KLHL7: variants seen among roughly 807,000 people sequenced by gnomAD.
KLHL7 encodes the protein kelch-like protein 7.
Under a neutral mutation model 67.4 loss-of-function variants are expected in KLHL7, and 44 were observed. That is an observed-to-expected ratio of 0.65 (90% CI 0.51 to 0.84). KLHL7 has a LOEUF of 0.84. KLHL7 is among the 40% of genes least tolerant of loss of function. KLHL7 has a pLI of 0.00. For missense variants in KLHL7, 362 were observed against 718.1 expected, an observed-to-expected ratio of 0.50 and a Z score of 5.67; for synonymous variants, 252 against 243.3, an observed-to-expected ratio of 1.04 and a Z score of -0.33.
chr7:23,171,183 G>C lies in KLHL7; in HGVS notation c.1380-1765G>C, dbSNP rs189164857. The C allele has an allele frequency of 7.0e-4, 253 of 360,496 alleles. 1 individual carries two copies. The highest frequency in any genetic ancestry group is 4.9e-3 in the African/African-American group (225 of 46,158). 22.3% of individuals were successfully genotyped at this position (360,496 alleles called of 1,614,324 possible). A position where few individuals can be genotyped will look rare whatever the true frequency, so the allele number is the denominator to read the frequency against. ...GCCTCCCAAAGTGCTGGGATTACAG[G>C]CGAAAAAACGCTTCTAAACATTAAA... On this transcript the variant is annotated intron_variant, in intron 9 of 10. Coordinates refer to ENST00000339077, the MANE Select transcript of KLHL7 (RefSeq NM_001031710.3).
At chr7:23,137,547 C>T (rs1444126154) in intron 4 of KLHL7, among the ~76,000 whole-genome samples, 2 of 149,126 alleles carry the variant, frequency 1.3e-5, no homozygotes, top group Non-Finnish European at 3.0e-5. Flanking sequence ...GGTGTGATCT[C>T]GGCTCACTGC....
rs1172803212 is a variant in KLHL7 at position 23,125,837 on chromosome 7, T to C, written c.442+665T>C. ...CTGTGTGATGATCCTTAGTGGCACA[T>C]GAATGAACGTCCAGATGTTTGTGCA... is the stretch of plus-strand genomic sequence containing the variant. On this transcript the variant is annotated intron_variant, in intron 4 of 10. Coordinates refer to ENST00000339077, the MANE Select transcript of KLHL7 (RefSeq NM_001031710.3). 7 of 1,550,464 alleles carry C rather than the reference T, an allele frequency of 4.5e-6. No individual in the cohort carries two copies. The East Asian group carries it at 1.2e-4, about 27-fold the overall frequency.
chr7:23,145,233 T>C (rs1250452101), intron 6 of KLHL7, among the ~76,000 whole-genome samples: 1 of 151,908 alleles, frequency 6.6e-6, no homozygotes, highest in Admixed American at 6.5e-5. Flanking sequence ...TTCTTTCTTT[T>C]TTTTTTTAAT....
At chr7:23,114,328 A>AG (rs1782999598) in intron 1 of KLHL7, among the ~76,000 whole-genome samples, 1 of 152,236 alleles carries the variant, frequency 6.6e-6, no homozygotes, top group African/African-American at 2.4e-5. Context: ...TATCAAGCAA[A>AG]GCCTCATTTT....
chr7:23,113,687 C>T (rs781338765), intron 1 of KLHL7, among the ~76,000 whole-genome samples: 1 of 152,018 alleles, frequency 6.6e-6, no homozygotes, highest in Non-Finnish European at 1.5e-5. Flanking sequence ...AAAAATTAGC[C>T]GGGTGACGCA....
chr7:23,117,345 C>G (rs963701431), intron 1 of KLHL7, among the ~76,000 whole-genome samples: 1 of 152,074 alleles, frequency 6.6e-6, no homozygotes, highest in Admixed American at 6.6e-5. Context: ...GCCTTGGCTC[C>G]CAAAGTGCTG....
At chr7:23,125,505 T>C (rs961522064) in intron 4 of KLHL7, among the ~76,000 whole-genome samples, 3 of 152,194 alleles carry the variant, frequency 2.0e-5, no homozygotes, top group Non-Finnish European at 4.4e-5. Context: ...ACTTATGATA[T>C]GCTAAGGTCT....
chr7:23,125,923 G>A, intron 4 of KLHL7: 2 of 1,345,366 alleles, frequency 1.5e-6, no homozygotes, highest in African/African-American at 2.9e-5. Flanking sequence ...TGAAACTGCA[G>A]ATAGTACTGA....
At chr7:23,161,230 C>T (rs996353564) in intron 7 of KLHL7, among the ~76,000 whole-genome samples, 1 of 152,180 alleles carries the variant, frequency 6.6e-6, no homozygotes, top group Non-Finnish European at 1.5e-5. Flanking sequence ...TCATTTCAGT[C>T]CTTACATTTT....
At chr7:23,106,393 A>G (rs2128454779) in intron 1 of KLHL7, 1 of 1,344,578 alleles carries the variant, frequency 7.4e-7, no homozygotes, top group South Asian at 1.5e-5. Context: ...GGGACTCCTC[A>G]GGCTGGCTTT....
chr7:23,147,446 T>C (rs1280196280), intron 6 of KLHL7, among the ~76,000 whole-genome samples: 2 of 152,188 alleles, frequency 1.3e-5, no homozygotes, highest in Non-Finnish European at 2.9e-5. Context: ...GTTCTTGCTT[T>C]ACCTTAAACT....
chr7:23,126,567 G>T (rs150314115), intron 4 of KLHL7, among the ~76,000 whole-genome samples: 3 of 152,102 alleles, frequency 2.0e-5, no homozygotes, highest in Non-Finnish European at 2.9e-5. Context: ...TGACAAGAAC[G>T]CAAAGACTGA....
chr7:23,117,908 A>G (rs995424424), intron 1 of KLHL7: 17 of 1,614,110 alleles, frequency 1.1e-5, no homozygotes, highest in Middle Eastern at 1.6e-4. Flanking sequence ...CCAATTTGAT[A>G]TCATGCTGGG....
At chr7:23,173,759 C>G (rs1209529983) in intron 10 of KLHL7, among the ~76,000 whole-genome samples, 2 of 151,874 alleles carry the variant, frequency 1.3e-5, no homozygotes, top group Non-Finnish European at 2.9e-5. Context: ...TTGCATTTTT[C>G]CAGAATAGAT....
intron 1 of KLHL7, chr7:23,117,697 G>A: frequency 2.5e-6 from 2 of 805,666 alleles, no homozygotes; most frequent in South Asian, 1.9e-5. Flanking sequence ...TCTGACAAAT[G>A]TGATTTCTAG....
chr7:23,129,731 G>A (rs1476457914), intron 4 of KLHL7: 2 of 158,538 alleles, frequency 1.3e-5, no homozygotes, highest in African/African-American at 4.8e-5. Context: ...GAAAAAAACA[G>A]GGATGTTGGA....
At chr7:23,150,783 C>G (rs950582752) in intron 6 of KLHL7, among the ~76,000 whole-genome samples, 8 of 152,100 alleles carry the variant, frequency 5.3e-5, no homozygotes, top group African/African-American at 1.9e-4. Context: ...ACCCTGTGGT[C>G]CAGGCAGTTT....
chr7:23,160,978 A>G (rs2128468616), intron 7 of KLHL7, among the ~76,000 whole-genome samples: 3 of 152,284 alleles, frequency 2.0e-5, no homozygotes, highest in Admixed American at 2.0e-4. Context: ...GTGTTTCTCA[A>G]TTCTTAGAGC....
At chr7:23,117,575 C>T (rs1783146506) in intron 1 of KLHL7, among the ~76,000 whole-genome samples, 1 of 152,148 alleles carries the variant, frequency 6.6e-6, no homozygotes, top group Admixed American at 6.5e-5. Context: ...AAGGCAGTCC[C>T]TCTTTTCCTT....
Sources: allele counts gnomAD v4.1 joint callset (sites outside exome capture counted in the v4.1 genomes callset), GRCh38; gene constraint gnomAD v4.1.1; transcripts MANE v1.5; gene names NCBI Gene and HGNC (gene_info 2026-07-23, HGNC 2026-07-21).